NOX4: variants seen among roughly 807,000 people sequenced by gnomAD.
NOX4 encodes the protein kidney oxidase-1.
NOX4 carries 69 observed loss-of-function variants against 87.6 expected under a neutral mutation model. The observed-to-expected ratio is 0.79, with a 90% CI of 0.65 to 0.96. The LOEUF (loss-of-function observed/expected upper bound fraction) is 0.96, where lower values mean the gene tolerates loss of function less well. Ranked by LOEUF, NOX4 falls within the 40% of genes least tolerant of loss-of-function variation. The pLI is 0.00. For synonymous variants in NOX4, 275 were observed against 238.2 expected (o/e 1.15, Z -1.42); for missense variants, 680 against 681.5 (o/e 1.00, Z 0.02).
At chr11:89,344,608 A>G (rs1477990494) in intron 13 of NOX4, among the ~76,000 whole-genome samples, 1 of 152,142 alleles carries the variant, frequency 6.6e-6, no homozygotes, top group Non-Finnish European at 1.5e-5. Flanking sequence ...ACCTAAAATA[A>G]GCTATATTAA....
At chr11:89,520,387 T>C in the NOX4 span, among the ~76,000 whole-genome samples, 2 of 152,074 alleles carry the variant, frequency 1.3e-5, no homozygotes, top group Non-Finnish European at 1.5e-5. Flanking sequence ...CTTCAAAGCA[T>C]ATATCCCTCA....
chr11:89,552,780 G>C, the NOX4 span, among the ~76,000 whole-genome samples: 1 of 152,230 alleles, frequency 6.6e-6, no homozygotes, highest in South Asian at 2.1e-4. Context: ...CACACAGTAA[G>C]AATTTTGCTG....
intron 6 of NOX4, among the ~76,000 whole-genome samples, chr11:89,433,492 C>T (rs1459940695): frequency 6.6e-6 from 1 of 151,930 alleles, no homozygotes; most frequent in Non-Finnish European, 1.5e-5. Flanking sequence ...ACTAAATCTC[C>T]CTCATGCTCT....
At chr11:89,496,129 G>A (rs1291854529), upstream of NOX4, among the ~76,000 whole-genome samples, 1 of 152,116 alleles carries the variant, frequency 6.6e-6, no homozygotes, top group Non-Finnish European at 1.5e-5. Context: ...CCAAGTCGGG[G>A]GACAAGTTCC....
At chr11:89,549,946 C>A in the NOX4 span, among the ~76,000 whole-genome samples, 33 of 152,110 alleles carry the variant, frequency 2.2e-4, no homozygotes, top group Non-Finnish European at 4.4e-4. Flanking sequence ...GTGAATAGTG[C>A]TGCAATAAAC....
intron 13 of NOX4, among the ~76,000 whole-genome samples, chr11:89,348,414 C>CA (rs1229826180): frequency 2.8e-5 from 4 of 144,136 alleles, no homozygotes; most frequent in Admixed American, 7.1e-5. Context: ...GACTCCATCT[C>CA]AAAAAAACAA....
intron 11 of NOX4, among the ~76,000 whole-genome samples, chr11:89,376,623 C>T (rs1242580441): frequency 1.3e-5 from 2 of 152,200 alleles, no homozygotes; most frequent in African/African-American, 2.4e-5. Flanking sequence ...TGGCTCACGC[C>T]TGTAATCCTA....
At chr11:89,389,619 T>C (rs554567442) in intron 11 of NOX4, among the ~76,000 whole-genome samples, 5 of 152,290 alleles carry the variant, frequency 3.3e-5, no homozygotes, top group Admixed American at 2.0e-4. Context: ...AAACACATAT[T>C]TGTGCTTTCA....
chr11:89,384,711 C>T (rs1450283285), intron 11 of NOX4, among the ~76,000 whole-genome samples: 2 of 152,130 alleles, frequency 1.3e-5, no homozygotes, highest in African/African-American at 4.8e-5. Context: ...TAACTCATCC[C>T]AACCATTTTT....
At chr11:89,491,511 G>C, upstream of NOX4, 1 of 472,796 alleles carries the variant, frequency 2.1e-6, no homozygotes, top group Non-Finnish European at 3.7e-6. Context: ...AGCGCTCTGA[G>C]CGCGCGGCCC....
chr11:89,471,019 A>G (rs1033069109), intron 2 of NOX4, among the ~76,000 whole-genome samples: 1 of 152,136 alleles, frequency 6.6e-6, no homozygotes, highest in Non-Finnish European at 1.5e-5. Flanking sequence ...AAGTGAAGAA[A>G]GTGTCCGAGT....
At chr11:89,391,897 C>T (rs1349590147) in intron 11 of NOX4, among the ~76,000 whole-genome samples, 1 of 151,360 alleles carries the variant, frequency 6.6e-6, no homozygotes, top group African/African-American at 2.4e-5. Context: ...TATTTTATTT[C>T]ATTCTCTCCT....
At chr11:89,425,450 T>C (rs917848204) in intron 7 of NOX4, among the ~76,000 whole-genome samples, 1 of 151,258 alleles carries the variant, frequency 6.6e-6, no homozygotes, top group East Asian at 1.9e-4. Flanking sequence ...CCAAAACATT[T>C]AGTAATATGG....
At chr11:89,459,612 G>C (rs575782791) in intron 2 of NOX4, among the ~76,000 whole-genome samples, 1 of 151,926 alleles carries the variant, frequency 6.6e-6, no homozygotes, top group African/African-American at 2.4e-5. Context: ...GGGATGTGAA[G>C]GACCTCTTCA....
intron 13 of NOX4, among the ~76,000 whole-genome samples, chr11:89,352,775 G>A (rs1436482026): frequency 6.6e-6 from 1 of 152,126 alleles, no homozygotes; most frequent in Non-Finnish European, 1.5e-5. Context: ...TACTATGGAT[G>A]AGCAAGTAAA....
At chr11:89,412,666 TA>T (rs1481803015) in intron 8 of NOX4, among the ~76,000 whole-genome samples, 1 of 152,042 alleles carries the variant, frequency 6.6e-6, no homozygotes, top group Non-Finnish European at 1.5e-5. Context: ...TATCTCTTCC[TA>T]AATTAAAAAA....
the NOX4 span, among the ~76,000 whole-genome samples, chr11:89,534,230 G>A: frequency 2.0e-4 from 30 of 152,318 alleles, no homozygotes; most frequent in African/African-American, 6.7e-4. Context: ...TGTGCTTCCT[G>A]ATACTTTGAG....
In NOX4 at chr11:89,342,157, C is replaced by T. The variant is rs763021380; in HGVS notation, c.1254G>A (p.Glu418=). ...YIDGPFGSPF[E]ESLNYEVSLC... ...GGCTGACCTCATAGTTCAGTGATTC[C>T]TCAAATGGACTTCCAAAAGGACCAT... Residue 418 remains glutamate, a synonymous_variant, in exon 14 of 18, where the codon GAG becomes GAA. Coordinates refer to ENST00000263317, the MANE Select transcript of NOX4 (RefSeq NM_016931.5). The T allele has an allele frequency of 5.6e-6, 9 of 1,612,658 alleles. No individual in the cohort carries two copies. The South Asian group carries it at 7.7e-5, about 14-fold the overall frequency.
chr11:89,568,247 C>A, the NOX4 span, among the ~76,000 whole-genome samples: 1 of 151,954 alleles, frequency 6.6e-6, no homozygotes, highest in Non-Finnish European at 1.5e-5. Flanking sequence ...AAAATCCGAG[C>A]TGAACTGAAT....
Sources: gnomAD v4.1 joint callset for allele counts (sites outside exome capture counted in the v4.1 genomes callset) on GRCh38, gnomAD v4.1.1 for gene constraint, MANE v1.5 for transcripts, NCBI Gene and HGNC (gene_info 2026-07-23, HGNC 2026-07-21) for gene names.